Variants in PCTP observed in about 807,000 individuals in gnomAD.
The protein encoded by PCTP is phosphatidylcholine transfer protein.
A neutral mutation model predicts 31.0 loss-of-function variants in PCTP; 27 were observed. The ratio of observed to expected loss-of-function variants is 0.87; its 90% CI spans 0.64 to 1.20. PCTP has a LOEUF of 1.20. Among genes scored for constraint, PCTP ranks in the 50% most tolerant of loss-of-function variants. The pLI is 0.00. For synonymous variants in PCTP, 108 were observed against 101.2 expected, an observed-to-expected ratio of 1.07 and a Z score of -0.40; for missense variants, 287 against 268.2, an observed-to-expected ratio of 1.07 and a Z score of -0.49.
At position 55,751,261 on chromosome 17, in the gene PCTP, T is replaced by C; in HGVS notation, c.141+17T>C. 6.5e-7 allele frequency: 1 copy of C among 1,530,516 alleles called. No individual in the cohort carries two copies. Among genetic ancestry groups the C allele is most frequent in the Non-Finnish European group, 8.8e-7 (1 of 1,137,796 alleles). 94.8% of individuals were successfully genotyped at this position (1,530,516 alleles called of 1,614,324 possible). On this transcript the variant is annotated intron_variant, in intron 1 of 5. Transcript: ENST00000268896. ...CTGGACAAGGTAGCGGCCAACCCGCTGGAGGACCGCGGGGCCTAGAATGCG... is the reference window on the plus strand; with the variant it reads ...CTGGACAAGGTAGCGGCCAACCCGCCGGAGGACCGCGGGGCCTAGAATGCG...
rs182641405 is a variant in PCTP at position 55,808,922 on chromosome 17, C to A, written c.318-13839C>A. ...TAAGAATAATGGGCTTGAGCCAATC[C>A]CGTATTGGCCAGCTACTCTAAAGTA... On this transcript the variant is annotated intron_variant, in intron 3 of 3. Coordinates refer to the PCTP transcript ENST00000572536. Among the ~76,000 whole-genome samples, 3 of 152,268 alleles carry A rather than the reference C, an allele frequency of 2.0e-5. No individual in the cohort carries two copies. In the East Asian group the frequency reaches 5.8e-4, roughly 29 times the overall value.
chr17:55,839,935 A>C (rs1030757205), intron 5 of PCTP, among the ~76,000 whole-genome samples: 80 of 150,080 alleles, frequency 5.3e-4, no homozygotes, highest in African/African-American at 1.9e-3. Context: ...AAAAAAAAAA[A>C]AAAAAAAAAA....
At chr17:55,843,616 G>C (rs1341721110), downstream of PCTP, among the ~76,000 whole-genome samples, 2 of 152,084 alleles carry the variant, frequency 1.3e-5, no homozygotes, top group Non-Finnish European at 2.9e-5. Context: ...TTCTTTCTCA[G>C]TCAGACTGAA....
the PCTP span, among the ~76,000 whole-genome samples, chr17:55,852,354 T>G: frequency 5.6e-4 from 86 of 152,298 alleles, no homozygotes; most frequent in Non-Finnish European, 1.0e-4. Context: ...TCCTGGAATT[T>G]TATTCCAAAT....
At chr17:55,844,630 C>T (rs1332141139), downstream of PCTP, among the ~76,000 whole-genome samples, 1 of 152,028 alleles carries the variant, frequency 6.6e-6, no homozygotes, top group Admixed American at 6.6e-5. Context: ...TAGGTTCTCC[C>T]TGACATTCCA....
chr17:55,812,624 C>G (rs1385309363), intron 3 of PCTP, among the ~76,000 whole-genome samples: 3 of 152,168 alleles, frequency 2.0e-5, no homozygotes, highest in African/African-American at 7.2e-5. Context: ...CCAAAGTCAC[C>G]ATTTTCAACG....
intron 3 of PCTP, among the ~76,000 whole-genome samples, chr17:55,816,159 A>C (rs1284001783): frequency 6.6e-6 from 1 of 152,184 alleles, no homozygotes; most frequent in East Asian, 1.9e-4. Flanking sequence ...AATGGCTTTT[A>C]TTATATTCAC....
At chr17:55,754,095 A>G (rs1185882441) in intron 1 of PCTP, among the ~76,000 whole-genome samples, 2 of 152,212 alleles carry the variant, frequency 1.3e-5, no homozygotes, top group Non-Finnish European at 2.9e-5. Context: ...CCAAGTAAGC[A>G]GTCAGTTTTG....
At chr17:55,848,306 A>C in the PCTP span, among the ~76,000 whole-genome samples, 1 of 152,190 alleles carries the variant, frequency 6.6e-6, no homozygotes, top group Non-Finnish European at 1.5e-5. Context: ...TATCAAAGAA[A>C]AGTGTGTGTA....
chr17:55,832,433 A>G lies in PCTP; in HGVS notation n.505+9506A>G, dbSNP rs571150479. ...TGCTCCAGGAAGGCTTGGAATGAAG[A>G]ACACAGATAGCAAATTGTTCTTCTC... On this transcript the variant is annotated intron_variant and non_coding_transcript_variant, in intron 5 of 5. Coordinates refer to the PCTP transcript ENST00000576221. Among the ~76,000 whole-genome samples, 4 of 152,364 alleles carry G rather than the reference A, an allele frequency of 2.6e-5. No homozygotes were observed. The South Asian group carries it at 8.3e-4, about 32-fold the overall frequency.
At chr17:55,775,107 C>A (rs1484709164) in intron 5 of PCTP, among the ~76,000 whole-genome samples, 1 of 152,022 alleles carries the variant, frequency 6.6e-6, no homozygotes, top group Non-Finnish European at 1.5e-5. Context: ...TGCCCCAGGA[C>A]CCCGCCAGAA....
chr17:55,778,141 T>C (rs2144980475), downstream of PCTP, among the ~76,000 whole-genome samples: 1 of 150,430 alleles, frequency 6.6e-6, no homozygotes, highest in African/African-American at 2.4e-5. Flanking sequence ...TTTAGAGTAG[T>C]GGACAGTCCT....
At chr17:55,837,189 GGA>G (rs1320421609) in intron 5 of PCTP, among the ~76,000 whole-genome samples, 1 of 152,174 alleles carries the variant, frequency 6.6e-6, no homozygotes, top group Non-Finnish European at 1.5e-5. Flanking sequence ...CAATGATGAG[GGA>G]GAGTCTTGTG....
At chr17:55,827,302 G>A (rs1036214013), downstream of PCTP, among the ~76,000 whole-genome samples, 1 of 152,140 alleles carries the variant, frequency 6.6e-6, no homozygotes, top group Non-Finnish European at 1.5e-5. Flanking sequence ...GCTGGATAAG[G>A]AGGGACATGA....
chr17:55,759,707 CA>C (rs1406013997), intron 1 of PCTP, among the ~76,000 whole-genome samples: 2 of 152,208 alleles, frequency 1.3e-5, no homozygotes, highest in East Asian at 3.9e-4. Flanking sequence ...TTATCAAGAC[CA>C]CCTTGTAGTT....
At chr17:55,792,150 C>T (rs1453855245) in intron 3 of PCTP, among the ~76,000 whole-genome samples, 1 of 106,110 alleles carries the variant, frequency 9.4e-6, no homozygotes, top group East Asian at 2.8e-4. Context: ...ACTCTGGGGA[C>T]TGTTGTGGGG....
At chr17:55,846,365 C>T (rs79817356), downstream of PCTP, among the ~76,000 whole-genome samples, 22,396 of 152,144 alleles carry the variant, frequency 0.15, 1,833 homozygotes, top group East Asian at 0.38. Flanking sequence ...ACTCCCTGCT[C>T]TAATGGGCCT....
intron 1 of PCTP, among the ~76,000 whole-genome samples, chr17:55,759,536 T>C (rs1910229176): frequency 6.6e-6 from 1 of 152,234 alleles, no homozygotes; most frequent in Admixed American, 6.5e-5. Context: ...CATCTGAGTC[T>C]ATTACTTGCC....
At chr17:55,850,589 G>A in the PCTP span, among the ~76,000 whole-genome samples, 7 of 145,658 alleles carry the variant, frequency 4.8e-5, no homozygotes, top group Admixed American at 1.4e-4. Flanking sequence ...TCCCGTCCTA[G>A]CATTTATGCA....
Sources: allele counts gnomAD v4.1 joint callset (sites outside exome capture counted in the v4.1 genomes callset), GRCh38; gene constraint gnomAD v4.1.1; transcripts MANE v1.5; gene names NCBI Gene and HGNC (gene_info 2026-07-23, HGNC 2026-07-21).